The following LRFN5 variants were observed in gnomAD, a reference collection of about 807,000 sequenced individuals.
The protein encoded by LRFN5 is leucine-rich repeat and fibronectin type-III domain-containing protein 5.
In LRFN5, 24 loss-of-function variants were observed where a neutral mutation model predicts 45.6. That is an observed-to-expected ratio of 0.53 (90% confidence interval 0.38 to 0.74). LRFN5 has a LOEUF of 0.74. LRFN5 is among the 30% of genes least tolerant of loss of function. LRFN5 has a pLI of 0.00. For synonymous variants in LRFN5, 340 were observed against 313.8 expected, an observed-to-expected ratio of 1.08 and a Z score of -0.88; for missense variants, 776 against 861.5, an observed-to-expected ratio of 0.90 and a Z score of 1.24.
At chr14:41,624,485 A>T (rs941924000) in intron 1 of LRFN5, among the ~76,000 whole-genome samples, 1 of 152,172 alleles carries the variant, frequency 6.6e-6, no homozygotes, top group Admixed American at 6.6e-5. Flanking sequence ...AGCAAAAAAT[A>T]GAAAAATAGA....
intron 1 of LRFN5, among the ~76,000 whole-genome samples, chr14:41,740,089 A>G (rs893150388): frequency 2.6e-5 from 4 of 152,140 alleles, no homozygotes; most frequent in African/African-American, 9.6e-5. Context: ...CCAGGGCATG[A>G]TAGCCTCACT....
intron 2 of LRFN5, among the ~76,000 whole-genome samples, chr14:41,769,719 T>C (rs1037878750): frequency 6.6e-6 from 1 of 152,192 alleles, no homozygotes; most frequent in Non-Finnish European, 1.5e-5. Context: ...TTAAAGTGTG[T>C]AAATTATCAC....
At chr14:41,825,745 T>A (rs2139022531) in intron 2 of LRFN5, among the ~76,000 whole-genome samples, 1 of 152,172 alleles carries the variant, frequency 6.6e-6, no homozygotes, top group East Asian at 1.9e-4. Context: ...AGCCTTGGTT[T>A]GGGGGGAGGG....
intron 2 of LRFN5, among the ~76,000 whole-genome samples, chr14:41,787,873 G>A (rs928680947): frequency 6.6e-5 from 10 of 151,910 alleles, no homozygotes; most frequent in African/African-American, 2.4e-4. Flanking sequence ...ATGATGTTTG[G>A]ACTTGTGCCT....
At chr14:41,655,709 A>T (rs1048472900) in intron 1 of LRFN5, among the ~76,000 whole-genome samples, 1 of 152,000 alleles carries the variant, frequency 6.6e-6, no homozygotes, top group Non-Finnish European at 1.5e-5. Context: ...GTAAGAGAAG[A>T]TACATATGTG....
intron 1 of LRFN5, among the ~76,000 whole-genome samples, chr14:41,764,149 A>G (rs941139135): frequency 3.3e-5 from 5 of 152,274 alleles, no homozygotes; most frequent in African/African-American, 9.6e-5. Context: ...ACCTTACTTT[A>G]ATATAGAATC....
At chr14:41,775,111 G>A (rs1886235306) in intron 2 of LRFN5, among the ~76,000 whole-genome samples, 1 of 11,194 alleles carries the variant, frequency 8.9e-5, no homozygotes, top group Non-Finnish European at 1.6e-4. Context: ...TTTTTTTTGA[G>A]ACGGAGTCTC....
intron 2 of LRFN5, among the ~76,000 whole-genome samples, chr14:41,885,108 C>CT (rs1171001292): frequency 6.8e-6 from 1 of 147,870 alleles, no homozygotes; most frequent in Non-Finnish European, 1.5e-5. Context: ...CTTTGGGAGA[C>CT]TGAGTCAAGA....
At chr14:41,814,595 A>G (rs181214029) in intron 2 of LRFN5, among the ~76,000 whole-genome samples, 17 of 152,288 alleles carry the variant, frequency 1.1e-4, no homozygotes, top group Admixed American at 3.9e-4. Context: ...CTTGAGTATT[A>G]GTTCTGGCCT....
intron 2 of LRFN5, among the ~76,000 whole-genome samples, chr14:41,819,714 A>G (rs1888045603): frequency 6.6e-6 from 1 of 152,074 alleles, no homozygotes; most frequent in African/African-American, 2.4e-5. Context: ...ACCAGATCTC[A>G]TGAGAACTCA....
rs372942263 is a variant in LRFN5, at chr14:41,673,555, G to A, written c.-197+64993G>A. On this transcript the variant is annotated intron_variant, in intron 1 of 5. Transcript: ENST00000298119. ...GCACCCCTCACCTCCCGGACGGGGC[G>A]GCTGGCCGGGCAGGGGGTGACCCCC... Among the ~76,000 whole-genome samples, 20 of 146,470 alleles carry A rather than the reference G, an allele frequency of 1.4e-4. No individual in the cohort carries two copies. The East Asian group carries it at 1.5e-3, about 11-fold the overall frequency.
chr14:41,634,927 G>A (rs1204581977), intron 1 of LRFN5, among the ~76,000 whole-genome samples: 2 of 151,946 alleles, frequency 1.3e-5, no homozygotes, highest in East Asian at 3.8e-4. Context: ...TATTCCCTGA[G>A]AAATAATTTA....
chr14:41,769,274 AAGG>A (rs1483759379), intron 2 of LRFN5, among the ~76,000 whole-genome samples: 2 of 152,178 alleles, frequency 1.3e-5, no homozygotes, highest in African/African-American at 4.8e-5. Flanking sequence ...ACTTGTGATT[AAGG>A]AGGACAGCTG....
intron 2 of LRFN5, among the ~76,000 whole-genome samples, chr14:41,865,923 T>C (rs1889824155): frequency 6.6e-6 from 1 of 152,222 alleles, no homozygotes; most frequent in South Asian, 2.1e-4. Flanking sequence ...TATTATTAAG[T>C]TGTAAAAGTC....
intron 1 of LRFN5, among the ~76,000 whole-genome samples, chr14:41,645,046 T>C (rs937261156): frequency 7.9e-5 from 12 of 152,210 alleles, no homozygotes; most frequent in African/African-American, 9.7e-5. Flanking sequence ...TGGGCCTGTG[T>C]GTTCTACCTG....
intron 2 of LRFN5, among the ~76,000 whole-genome samples, chr14:41,801,881 C>G (rs1042598829): frequency 1.1e-4 from 17 of 152,048 alleles, no homozygotes; most frequent in African/African-American, 3.9e-4. Context: ...CCAAGTGGGT[C>G]TTAAGGTTGA....
Position 41,881,192 on chromosome 14 carries a change from C to T in LRFN5, c.-20-5414C>T, listed in dbSNP as rs192810975. Reference sequence around the variant, plus strand: ...TCATTATTTCTCTTTTCCTTCTATACTGGTGAACTGCTGTTGTTATATCTT... The same window carrying T: ...TCATTATTTCTCTTTTCCTTCTATATTGGTGAACTGCTGTTGTTATATCTT... On this transcript the variant is annotated intron_variant, in intron 2 of 5. Coordinates refer to ENST00000298119, the MANE Select transcript of LRFN5 (RefSeq NM_152447.5). 2.2e-3 allele frequency among the ~76,000 whole-genome samples: 328 copies of T among 152,178 alleles called. 1 individual carries two copies. The highest frequency in any genetic ancestry group is 4.8e-3 in the Admixed American group (74 of 15,292).
intron 1 of LRFN5, among the ~76,000 whole-genome samples, chr14:41,673,983 CG>C (rs1881421549): frequency 6.8e-6 from 1 of 146,176 alleles, no homozygotes; most frequent in African/African-American, 2.5e-5. Context: ...GGGTGGCTGC[CG>C]GGCGGAGACG....
At chr14:41,858,718 C>T (rs1046278530) in intron 2 of LRFN5, among the ~76,000 whole-genome samples, 1 of 152,132 alleles carries the variant, frequency 6.6e-6, no homozygotes, top group Non-Finnish European at 1.5e-5. Flanking sequence ...ACTCTTTATC[C>T]TCCCATGGTT....
Sources: gnomAD v4.1 joint callset for allele counts (sites outside exome capture counted in the v4.1 genomes callset) on GRCh38, gnomAD v4.1.1 for gene constraint, MANE v1.5 for transcripts, NCBI Gene and HGNC (gene_info 2026-07-23, HGNC 2026-07-21) for gene names.